Variants in IPPK observed in about 807,000 individuals in gnomAD.
IPPK encodes the protein IPK1 homolog.
Under a neutral mutation model 64.6 loss-of-function variants are expected in IPPK, and 22 were observed. The ratio of observed to expected loss-of-function variants is 0.34; its 90% CI spans 0.24 to 0.49. The LOEUF is 0.49. Ranked by LOEUF, IPPK falls within the 20% of genes least tolerant of loss-of-function variation. The pLI is 0.99. For missense variants in IPPK, 532 were observed against 630.7 expected (o/e 0.84, Z 1.68); for synonymous variants, 262 against 247.2 (o/e 1.06, Z -0.56).
intron 11 of IPPK, among the ~76,000 whole-genome samples, chr9:92,625,228 C>T (rs1163567476): frequency 6.6e-6 from 1 of 152,082 alleles, no homozygotes; most frequent in African/African-American, 2.4e-5. Context: ...TAAAATAAAA[C>T]ATTTAAATAT....
At chr9:92,662,949 G>T (rs1213678151) in intron 1 of IPPK, among the ~76,000 whole-genome samples, 2 of 152,202 alleles carry the variant, frequency 1.3e-5, no homozygotes, top group Non-Finnish European at 1.5e-5. Context: ...CCCAGCCTGA[G>T]CATCAGAAGT....
chr9:92,651,128 C>G (rs1399180625), intron 4 of IPPK, among the ~76,000 whole-genome samples: 15 of 152,018 alleles, frequency 9.9e-5, no homozygotes. Flanking sequence ...GCCTCCCCAG[C>G]CTTTCCTGCA....
At chr9:92,647,747 G>C (rs1251620612) in intron 6 of IPPK, among the ~76,000 whole-genome samples, 1 of 151,844 alleles carries the variant, frequency 6.6e-6, no homozygotes, top group African/African-American at 2.4e-5. Context: ...TGAATCTGGT[G>C]AACACGGGCC....
chr9:92,618,164 CGG>C (rs1851502876), intron 12 of IPPK: 3 of 451,264 alleles, frequency 6.6e-6, no homozygotes, highest in African/African-American at 6.0e-5. Flanking sequence ...GCCATGTTCT[CGG>C]AGGAGAAGCC....
At chr9:92,638,678 G>C (rs1461073150) in intron 8 of IPPK, among the ~76,000 whole-genome samples, 1 of 152,244 alleles carries the variant, frequency 6.6e-6, no homozygotes, top group Non-Finnish European at 1.5e-5. Context: ...GCAGACAAAC[G>C]TGAGGATGGC....
chr9:92,613,290 A>C lies in IPPK; in HGVS notation c.*2542T>G. ...TATGCAGTTATGGCACATTATATGG[A>C]AACTCTCATGACATGAAAAATAAAT... On this transcript the variant is annotated 3_prime_UTR_variant, in exon 13 of 13. Coordinates refer to ENST00000287996, the MANE Select transcript of IPPK (RefSeq NM_022755.6). 1.1e-6 allele frequency: 1 copy of C among 886,048 alleles called. No individual in the cohort carries two copies. Among genetic ancestry groups the C allele is most frequent in the Non-Finnish European group, 1.7e-6 (1 of 575,732 alleles). The allele number at this position is 886,048 out of a possible 1,614,324, so 54.9% of individuals were successfully genotyped here.
chr9:92,635,399 C>A lies in IPPK; in HGVS notation c.917-91G>T. 2.9e-6 allele frequency: 4 copies of A among 1,380,632 alleles called. No homozygotes were observed. Among genetic ancestry groups the A allele is most frequent in the South Asian group, 1.4e-5 (1 of 73,778 alleles). 85.5% of individuals were successfully genotyped at this position (1,380,632 alleles called of 1,614,324 possible). A position where few individuals can be genotyped will look rare whatever the true frequency, so the allele number is the denominator to read the frequency against. On this transcript the variant is annotated intron_variant, in intron 9 of 12. Coordinates refer to ENST00000287996, the MANE Select transcript of IPPK (RefSeq NM_022755.6). The surrounding 1 kb of genome is among the most constrained non-coding windows in gnomAD (Gnocchi z 4.4). ...GCCGGCGCAGACCGCAGGGCTCATC[C>A]TGGGCTCCGCCATACGGGCATCACC... is the stretch of plus-strand genomic sequence containing the variant.
At position 92,634,440 on chromosome 9, in the gene IPPK, C is replaced by T; in HGVS notation, c.1116G>A (p.Lys372=). The change falls in exon 11 of 13, where the codon AAG becomes AAA. Residue 372 remains lysine (K), a synonymous_variant. Coordinates refer to ENST00000287996, the MANE Select transcript of IPPK (RefSeq NM_022755.6). ...CATCCTCAGTGGAAAGGTCAAGCAG[C>T]TTCTGGTAAAATGCTTCATCATAAG... The part of the protein sequence containing the change: ...DGPYDEAFYQ[K]LLDLSTEDDG... 1 of 1,614,186 alleles carries T rather than the reference C, an allele frequency of 6.2e-7. No individual in the cohort carries two copies. The highest frequency in any genetic ancestry group is 8.5e-7 in the Non-Finnish European group (1 of 1,180,010).
At chr9:92,619,600 C>T (rs1369688122) in intron 11 of IPPK, 35 bp from the exon 12 acceptor site, 2 of 1,533,916 alleles carry the variant, frequency 1.3e-6, no homozygotes. Context: ...CCAGGTCACA[C>T]AGGAAGCCTC....
Position 92,638,061 on chromosome 9 carries a change from C to T in IPPK, c.856G>A (p.Gly286Arg), listed in dbSNP as rs747090587. The T allele has an allele frequency of 1.7e-5, 27 of 1,607,018 alleles. No individual in the cohort carries two copies. The South Asian group carries it at 2.3e-4, about 14-fold the overall frequency. Residue 286 changes from glycine (G) to arginine (R), a missense_variant, in exon 9 of 13, where the codon GGG becomes AGG. Transcript: ENST00000287996. ...TCGCAGACTCGCGGGCCCTGAGGCCCGAGCCCCGGACTCAGGGTGCCTGCC... is the reference window on the plus strand; with the variant it reads ...TCGCAGACTCGCGGGCCCTGAGGCCTGAGCCCCGGACTCAGGGTGCCTGCC... ...GRAGTLSPGL[G>R]PQGPRVCEAS...
At chr9:92,650,556 C>T (rs1564037567) in intron 4 of IPPK, among the ~76,000 whole-genome samples, 1 of 152,212 alleles carries the variant, frequency 6.6e-6, no homozygotes. Flanking sequence ...GCCCACACCA[C>T]CCCTGAGGAG....
chr9:92,654,512 T>C (rs1406815158), intron 3 of IPPK, among the ~76,000 whole-genome samples: 1 of 151,858 alleles, frequency 6.6e-6, no homozygotes, highest in East Asian at 1.9e-4. Context: ...CAGAGCAAGA[T>C]AAAAAACAAA....
intron 9 of IPPK, among the ~76,000 whole-genome samples, chr9:92,636,363 G>A (rs568282330): frequency 5.3e-5 from 8 of 152,194 alleles, no homozygotes; most frequent in Admixed American, 2.6e-4. Flanking sequence ...ATCTCCAGGC[G>A]CCGTGGCTTA....
At chr9:92,665,127 C>A (rs563101135) in intron 1 of IPPK, among the ~76,000 whole-genome samples, 2 of 152,338 alleles carry the variant, frequency 1.3e-5, no homozygotes, top group South Asian at 2.1e-4. Context: ...AGGAAAGAAG[C>A]CACATCAGCT....
intron 3 of IPPK, among the ~76,000 whole-genome samples, chr9:92,655,253 C>G (rs1852348185): frequency 6.6e-6 from 1 of 152,216 alleles, no homozygotes; most frequent in African/African-American, 2.4e-5. Flanking sequence ...CCCTGTGTGG[C>G]CCTGCAGATG....
chr9:92,652,688 A>G, intron 3 of IPPK, 49 bp from the exon 4 acceptor site: 1 of 1,003,100 alleles, frequency 1.0e-6, no homozygotes, highest in Admixed American at 1.9e-5. Flanking sequence ...CAATGACATG[A>G]ACACAATGCC....
At chr9:92,641,682 G>A (rs991669027) in intron 7 of IPPK, among the ~76,000 whole-genome samples, 10 of 152,264 alleles carry the variant, frequency 6.6e-5, no homozygotes, top group South Asian at 4.1e-4. Context: ...AGACAACTCC[G>A]CGTTCGATCT....
chr9:92,663,915 G>C (rs1200952070), intron 1 of IPPK, among the ~76,000 whole-genome samples: 1 of 152,230 alleles, frequency 6.6e-6, no homozygotes, highest in Non-Finnish European at 1.5e-5. Flanking sequence ...ACAGCAGCAG[G>C]GGTCACCCCT....
At chr9:92,649,665 T>A in intron 4 of IPPK, 91 bp from the exon 5 acceptor site, 3 of 1,455,166 alleles carry the variant, frequency 2.1e-6, no homozygotes, top group Non-Finnish European at 2.8e-6. Flanking sequence ...TGTCCCTGGT[T>A]CCAGGGGGCA....
Sources: gnomAD v4.1 joint callset for allele counts (sites outside exome capture counted in the v4.1 genomes callset) on GRCh38, gnomAD v4.1.1 for gene constraint, Gnocchi (gnomAD v3.1) non-coding constraint, MANE v1.5 for transcripts, NCBI Gene and HGNC (gene_info 2026-07-23, HGNC 2026-07-21) for gene names.